Variants in RYR2 observed in about 807,000 individuals in gnomAD.
RYR2 encodes the protein cardiac muscle ryanodine receptor-calcium release channel.
A neutral mutation model predicts 601.1 loss-of-function variants in RYR2; 227 were observed. That is an observed-to-expected ratio of 0.38 (90% CI 0.34 to 0.42). The LOEUF (loss-of-function observed/expected upper bound fraction) is 0.42. RYR2 is among the 10% of genes least tolerant of loss of function. RYR2 has a pLI of 1.00. For missense variants in RYR2, 4,646 were observed against 6,156.5 expected (o/e 0.75, Z 8.21); for synonymous variants, 2,223 against 2,175.1 (o/e 1.02, Z -0.61).
At chr1:237,166,998 TAAAC>T (rs1252120561) in intron 1 of RYR2, among the ~76,000 whole-genome samples, 7 of 152,160 alleles carry the variant, frequency 4.6e-5, no homozygotes, top group African/African-American at 7.2e-5. Context: ...AAGCAACAAA[TAAAC>T]AAACAAAAGC....
intron 1 of RYR2, among the ~76,000 whole-genome samples, chr1:237,190,981 T>C (rs946257330): frequency 2.0e-5 from 3 of 152,230 alleles, no homozygotes; most frequent in African/African-American, 4.8e-5. Context: ...ATCCAAGAAA[T>C]CATTGCCAAA....
intron 1 of RYR2, among the ~76,000 whole-genome samples, chr1:237,069,996 T>C (rs1322015518): frequency 4.0e-5 from 6 of 151,766 alleles, no homozygotes. Flanking sequence ...GTTAAGCTAC[T>C]GGAGGCTGGT....
At chr1:237,097,086 T>C (rs371674289) in intron 1 of RYR2, among the ~76,000 whole-genome samples, 1 of 152,352 alleles carries the variant, frequency 6.6e-6, no homozygotes, top group East Asian at 1.9e-4. Context: ...AGCTTGAATA[T>C]GTATTTTCTC....
chr1:237,350,602 A>AAAATATATAT (rs1558665984), intron 3 of RYR2, among the ~76,000 whole-genome samples: 3 of 37,006 alleles, frequency 8.1e-5, no homozygotes, highest in African/African-American at 1.0e-4. Flanking sequence ...AAAAAAAAAA[A>AAAATATATAT]ATATATATAT....
chr1:237,585,450 C>T (rs1355373667), intron 29 of RYR2, among the ~76,000 whole-genome samples: 2 of 152,118 alleles, frequency 1.3e-5, no homozygotes, highest in Non-Finnish European at 2.9e-5. Flanking sequence ...CTTCATTACG[C>T]AGGATACTTT....
rs562729244 is a variant in RYR2 at position 237,395,178 on chromosome 1, G to C, written c.773+6995G>C. ...AAGATCTCAACAACACTATATTCAG[G>C]ATGAAGTGAATGTTAATCTGGGAGA... On this transcript the variant is annotated intron_variant, in intron 10 of 104. Transcript: ENST00000366574. 3.3e-5 allele frequency among the ~76,000 whole-genome samples: 5 copies of C among 152,252 alleles called. No individual in the cohort carries two copies. In the East Asian group the frequency reaches 7.7e-4, roughly 24 times the overall value.
At chr1:237,433,847 C>T (rs1707087630) in intron 12 of RYR2, among the ~76,000 whole-genome samples, 1 of 151,188 alleles carries the variant, frequency 6.6e-6, no homozygotes, top group Non-Finnish European at 1.5e-5. Flanking sequence ...ATGAAGAGTA[C>T]TTACATTATG....
At chr1:237,261,946 T>A (rs941588595) in intron 1 of RYR2, among the ~76,000 whole-genome samples, 2 of 152,162 alleles carry the variant, frequency 1.3e-5, no homozygotes, top group Admixed American at 6.5e-5. Flanking sequence ...TTTGTCCTCT[T>A]CTCTTGCTAG....
chr1:237,515,723 C>CTTCTTTCTCCTCCTCG (rs1666393664), intron 24 of RYR2, among the ~76,000 whole-genome samples: 1 of 1,036 alleles, frequency 9.7e-4, no homozygotes, highest in Non-Finnish European at 2.3e-3. Flanking sequence ...TCTTCTCTTC[C>CTTCTTTCTCCTCCTCG]TCCTTCTTTC....
At chr1:237,601,787 C>T (rs1676530731) in intron 34 of RYR2, among the ~76,000 whole-genome samples, 2 of 152,072 alleles carry the variant, frequency 1.3e-5, no homozygotes, top group South Asian at 4.1e-4. Context: ...TGTATGTTTA[C>T]TTCTGTTAAA....
intron 46 of RYR2, 86 bp from the exon 47 acceptor site, chr1:237,640,810 AG>A: frequency 2.0e-6 from 2 of 995,814 alleles, no homozygotes; most frequent in Non-Finnish European, 1.6e-6. Context: ...GTTACCTAGT[AG>A]TCCCTTTCCT....
chr1:237,347,799 T>G (rs922047335), intron 3 of RYR2, among the ~76,000 whole-genome samples: 1 of 151,840 alleles, frequency 6.6e-6, no homozygotes, highest in African/African-American at 2.4e-5. Flanking sequence ...AAACCAGAAG[T>G]TTTAAAAGGA....
intron 2 of RYR2, among the ~76,000 whole-genome samples, chr1:237,296,928 AT>A (rs1191288502): frequency 1.1e-4 from 17 of 152,236 alleles, no homozygotes; most frequent in Middle Eastern, 3.2e-3. Flanking sequence ...ATTAGTACAT[AT>A]TCGTTTAATA....
At chr1:237,403,612 G>C (rs1171264331) in intron 10 of RYR2, among the ~76,000 whole-genome samples, 1 of 152,128 alleles carries the variant, frequency 6.6e-6, no homozygotes, top group African/African-American at 2.4e-5. Context: ...TTTTTGTAAA[G>C]ACAGTATCCC....
chr1:237,773,482 G>GTGACT (rs1354032523), intron 86 of RYR2, 38 bp from the exon 87 acceptor site: 1 of 1,488,338 alleles, frequency 6.7e-7, no homozygotes, highest in South Asian at 1.1e-5. Context: ...ACTTTAGAAT[G>GTGACT]TGACTTGATA....
chr1:237,061,269 C>A (rs12141255), intron 1 of RYR2, among the ~76,000 whole-genome samples: 47 of 76,028 alleles, frequency 6.2e-4, no homozygotes, highest in South Asian at 1.8e-3. Flanking sequence ...TCTATCTATC[C>A]ATCTATCATC....
At position 237,757,792 on chromosome 1, in the gene RYR2, C is replaced by T; in HGVS notation, c.11325+16C>T. ...AGTACAGCAGGTAACAGCTTCCAGTCATTCATATAATGTACTTTTCAGACA... is the reference window on the plus strand; with the variant it reads ...AGTACAGCAGGTAACAGCTTCCAGTTATTCATATAATGTACTTTTCAGACA... On this transcript the variant is annotated intron_variant, in intron 82 of 104. Coordinates refer to ENST00000366574, the MANE Select transcript of RYR2 (RefSeq NM_001035.3). 1 of 1,499,168 alleles carries T rather than the reference C, an allele frequency of 6.7e-7. No homozygotes were observed. The allele number at this position is 1,499,168 out of a possible 1,614,324, so 92.9% of individuals were successfully genotyped here. A position where few individuals can be genotyped will look rare whatever the true frequency, so the allele number is the denominator to read the frequency against.
At chr1:237,660,733 T>A (rs1026125808) in intron 55 of RYR2, 77 bp from the exon 56 acceptor site, 1 of 1,332,228 alleles carries the variant, frequency 7.5e-7, no homozygotes, top group Non-Finnish European at 1.0e-6. Context: ...AGGCAGTCTA[T>A]TTTAGAGCAA....
intron 38 of RYR2, among the ~76,000 whole-genome samples, chr1:237,621,238 A>C (rs911497388): frequency 2.6e-5 from 4 of 152,178 alleles, no homozygotes; most frequent in Non-Finnish European, 5.9e-5. Context: ...TCACATTTGA[A>C]AATTTTTGCC....
Sources: allele counts gnomAD v4.1 joint callset (sites outside exome capture counted in the v4.1 genomes callset), GRCh38; gene constraint gnomAD v4.1.1; transcripts MANE v1.5; gene names NCBI Gene and HGNC (gene_info 2026-07-23, HGNC 2026-07-21).